CDK19: variants seen among roughly 807,000 people sequenced by gnomAD.
CDK19 encodes the protein cyclin-dependent kinase 19.
Under a neutral mutation model 68.3 loss-of-function variants are expected in CDK19, and 20 were observed. The observed-to-expected ratio is 0.29, with a 90% CI of 0.21 to 0.43. The LOEUF is 0.43. Ranked by LOEUF, CDK19 falls within the 20% of genes least tolerant of loss-of-function variation. CDK19 has a pLI of 1.00. For missense variants in CDK19, 339 were observed against 623.5 expected (o/e 0.54, Z 4.86); for synonymous variants, 221 against 222.8 (o/e 0.99, Z 0.07).
At chr6:110,747,271 C>A (rs1583011796) in intron 1 of CDK19, among the ~76,000 whole-genome samples, 1 of 152,274 alleles carries the variant, frequency 6.6e-6, no homozygotes, top group East Asian at 1.9e-4. Context: ...CATTTTAAAT[C>A]CCTTTTGAAG....
At chr6:110,731,730 T>C (rs989531714) in intron 2 of CDK19, among the ~76,000 whole-genome samples, 2 of 152,230 alleles carry the variant, frequency 1.3e-5, no homozygotes, top group Non-Finnish European at 2.9e-5. Context: ...TGGAGACTTA[T>C]ACTGACAGTC....
chr6:110,805,777 A>T (rs1782637434), intron 1 of CDK19, among the ~76,000 whole-genome samples: 1 of 152,178 alleles, frequency 6.6e-6, no homozygotes, highest in Non-Finnish European at 1.5e-5. Flanking sequence ...AAAAAATAAA[A>T]ATACTTAATT....
intron 2 of CDK19, among the ~76,000 whole-genome samples, chr6:110,701,271 G>C (rs1773979894): frequency 6.6e-6 from 1 of 151,788 alleles, no homozygotes; most frequent in Admixed American, 6.6e-5. Context: ...AGCCGGGCGT[G>C]GTGGCTCAAG....
intron 2 of CDK19, among the ~76,000 whole-genome samples, chr6:110,722,645 T>G (rs1775989543): frequency 6.6e-6 from 1 of 152,040 alleles, no homozygotes; most frequent in South Asian, 2.1e-4. Flanking sequence ...TACAGACCTC[T>G]CCTCAAAGTC....
intron 2 of CDK19, 44 bp downstream of exon 2, chr6:110,746,082 C>T (rs1339329019): frequency 1.1e-6 from 1 of 945,990 alleles, no homozygotes; most frequent in Non-Finnish European, 1.6e-6. Context: ...AATCATCACC[C>T]AATATCAATA....
At chr6:110,617,925 T>A (rs996550561) in intron 12 of CDK19, among the ~76,000 whole-genome samples, 1 of 140,044 alleles carries the variant, frequency 7.1e-6, no homozygotes, top group Non-Finnish European at 1.5e-5. Flanking sequence ...CTTAAAAACC[T>A]AGGACATCAT....
At chr6:110,630,897 T>C (rs1341325399) in intron 6 of CDK19, among the ~76,000 whole-genome samples, 3 of 152,254 alleles carry the variant, frequency 2.0e-5, no homozygotes, top group Non-Finnish European at 4.4e-5. Flanking sequence ...TTCTGGTGTC[T>C]GAGTTTTGCA....
chr6:110,725,837 G>C (rs549744181), intron 2 of CDK19, among the ~76,000 whole-genome samples: 128 of 152,276 alleles, frequency 8.4e-4, no homozygotes, highest in Non-Finnish European at 1.3e-3. Flanking sequence ...TTTTACATAA[G>C]CAAGATAGGA....
In CDK19 at chr6:110,801,195, G is replaced by A. The variant is rs187744242; in HGVS notation, c.128+13814C>T. Among the ~76,000 whole-genome samples, 382 of 152,096 alleles carry A rather than the reference G, an allele frequency of 2.5e-3. 1 individual carries two copies. Among genetic ancestry groups the A allele is most frequent in the Non-Finnish European group, 3.3e-3 (227 of 67,986 alleles). ...CCAAACCAAGAATGCAATATTGGCC[G>A]GGGGCTGGGGGAAGGAGCTGGCTCA... On this transcript the variant is annotated intron_variant, in intron 1 of 12. Transcript: ENST00000368911.
At chr6:110,776,189 G>A (rs1253705772) in intron 1 of CDK19, among the ~76,000 whole-genome samples, 2 of 152,140 alleles carry the variant, frequency 1.3e-5, no homozygotes, top group Non-Finnish European at 2.9e-5. Context: ...AGCATTTTGC[G>A]AGACTGAGGC....
At chr6:110,788,253 C>A (rs1431111744) in intron 1 of CDK19, among the ~76,000 whole-genome samples, 1 of 152,076 alleles carries the variant, frequency 6.6e-6, no homozygotes, top group African/African-American at 2.4e-5. Context: ...ACCTCAAACT[C>A]CTGGGATCAA....
intron 2 of CDK19, among the ~76,000 whole-genome samples, chr6:110,736,567 T>A (rs975145310): frequency 6.6e-6 from 1 of 152,204 alleles, no homozygotes; most frequent in Non-Finnish European, 1.5e-5. Context: ...CTCCTATTTT[T>A]AATCTAGAAT....
intron 2 of CDK19, among the ~76,000 whole-genome samples, chr6:110,701,483 C>G (rs1415493717): frequency 6.7e-6 from 1 of 149,674 alleles, no homozygotes; most frequent in Non-Finnish European, 1.5e-5. Context: ...ACCCGGGAAG[C>G]AGAGGCTGCA....
At chr6:110,622,663 G>C in intron 10 of CDK19, 152 bp downstream of exon 10, 1 of 603,406 alleles carries the variant, frequency 1.7e-6, no homozygotes, top group Admixed American at 2.9e-5. Context: ...AGCTTTGCCT[G>C]TTTCAAAATG....
At chr6:110,666,262 A>C (rs1368662938) in intron 4 of CDK19, among the ~76,000 whole-genome samples, 1 of 141,472 alleles carries the variant, frequency 7.1e-6, no homozygotes, top group East Asian at 2.1e-4. Context: ...AAAAAATACA[A>C]AAAAAAAAAA....
In CDK19 at chr6:110,747,419, A is replaced by C. The variant is rs947888590; in HGVS notation, c.129-1218T>G. Among the ~76,000 whole-genome samples, 8 of 152,320 alleles carry C rather than the reference A, an allele frequency of 5.3e-5. No homozygotes were observed. The East Asian group carries it at 1.5e-3, about 29-fold the overall frequency. ...AACAGTATTTTGACAAATAAAACAT[A>C]CTAGGTATGTCAACAAGATGGACTA... On this transcript the variant is annotated intron_variant, in intron 1 of 12. Coordinates refer to ENST00000368911, the MANE Select transcript of CDK19 (RefSeq NM_015076.5).
At chr6:110,759,415 A>AT (rs1304982653) in intron 1 of CDK19, among the ~76,000 whole-genome samples, 173 of 118,324 alleles carry the variant, frequency 1.5e-3, no homozygotes, top group African/African-American at 6.2e-3. Context: ...AAAAAAAAAA[A>AT]AAAAAAAAAA....
chr6:110,687,964 T>C lies in CDK19; in HGVS notation c.205-17423A>G, dbSNP rs968355790. ...TTGAAAATAAATTATGTACATATTT[T>C]TTGCAGGGAGGGGTCAAATCTCACA... On this transcript the variant is annotated intron_variant, in intron 2 of 12. Coordinates refer to ENST00000368911, the MANE Select transcript of CDK19 (RefSeq NM_015076.5). 3.0e-4 allele frequency among the ~76,000 whole-genome samples: 45 copies of C among 152,188 alleles called. 1 individual carries two copies. Among genetic ancestry groups the C allele is most frequent in the Admixed American group, 2.7e-3 (41 of 15,280 alleles).
At chr6:110,713,387 G>A (rs1458583588) in intron 2 of CDK19, among the ~76,000 whole-genome samples, 4 of 146,568 alleles carry the variant, frequency 2.7e-5, no homozygotes, top group African/African-American at 1.0e-4. Flanking sequence ...AGCTGAGATC[G>A]CGCCACTGCA....
Sources: allele counts gnomAD v4.1 joint callset (sites outside exome capture counted in the v4.1 genomes callset), GRCh38; gene constraint gnomAD v4.1.1; transcripts MANE v1.5; gene names NCBI Gene and HGNC (gene_info 2026-07-23, HGNC 2026-07-21).